The following FUT9 variants were observed in gnomAD, a reference collection of about 807,000 sequenced individuals.
FUT9 encodes the protein fucosyltransferase 9, also known as 4-galactosyl-N-acetylglucosaminide 3-alpha-L-fucosyltransferase 9.
FUT9 carries 15 observed loss-of-function variants against 29.7 expected under a neutral mutation model. That is an observed-to-expected ratio of 0.51 (90% CI 0.34 to 0.78). The LOEUF is 0.78. Ranked by LOEUF, FUT9 falls within the 30% of genes least tolerant of loss-of-function variation. The pLI is 0.01. For missense variants in FUT9, 319 were observed against 425.4 expected (o/e 0.75, Z 2.20); for synonymous variants, 169 against 153.7 (o/e 1.10, Z -0.74).
intron 1 of FUT9, among the ~76,000 whole-genome samples, chr6:96,070,423 T>C (rs1771039269): frequency 6.6e-6 from 1 of 152,160 alleles, no homozygotes; most frequent in Admixed American, 6.5e-5. Context: ...ATTGTAATTA[T>C]GCCTGTAATT....
At chr6:96,146,255 C>A (rs1772565646) in intron 2 of FUT9, among the ~76,000 whole-genome samples, 1 of 152,134 alleles carries the variant, frequency 6.6e-6, no homozygotes, top group South Asian at 2.1e-4. Flanking sequence ...CTGGGCCATG[C>A]AGCTTTGTAA....
At chr6:96,055,115 T>G (rs553986810) in intron 1 of FUT9, among the ~76,000 whole-genome samples, 1 of 152,194 alleles carries the variant, frequency 6.6e-6, no homozygotes, top group African/African-American at 2.4e-5. Flanking sequence ...TCTGCTCTTA[T>G]TTAATACTGT....
intron 1 of FUT9, among the ~76,000 whole-genome samples, chr6:96,112,965 A>G (rs1465997376): frequency 2.0e-5 from 3 of 152,216 alleles, no homozygotes; most frequent in Non-Finnish European, 2.9e-5. Flanking sequence ...GACACACATC[A>G]CCATTAAAAT....
At chr6:96,018,392 CTA>C (rs1451878040) in intron 1 of FUT9, among the ~76,000 whole-genome samples, 1 of 152,042 alleles carries the variant, frequency 6.6e-6, no homozygotes, top group East Asian at 1.9e-4. Flanking sequence ...TCAGAATTAT[CTA>C]TGAGAATCCA....
chr6:96,155,667 C>T (rs1374575494), intron 2 of FUT9, among the ~76,000 whole-genome samples: 4 of 145,676 alleles, frequency 2.7e-5, no homozygotes, highest in African/African-American at 5.1e-5. Context: ...AGTGAGACTC[C>T]GTTTAAAAAA....
intron 1 of FUT9, among the ~76,000 whole-genome samples, chr6:96,064,752 C>A (rs945451779): frequency 1.1e-4 from 17 of 152,106 alleles, no homozygotes; most frequent in Non-Finnish European, 2.4e-4. Flanking sequence ...CACACACATG[C>A]ATGCATGTGC....
chr6:96,103,147 A>G (rs17056117), intron 1 of FUT9, among the ~76,000 whole-genome samples: 21,976 of 152,140 alleles, frequency 0.14, 1,901 homozygotes, highest in East Asian at 0.33. Flanking sequence ...GCATATTTCA[A>G]CAATATTATC....
At chr6:96,044,895 T>G (rs147215676) in intron 1 of FUT9, among the ~76,000 whole-genome samples, 17 of 152,310 alleles carry the variant, frequency 1.1e-4, no homozygotes, top group African/African-American at 3.4e-4. Flanking sequence ...TATTTTAACA[T>G]TAATTACTGC....
At chr6:96,159,732 T>C (rs993810087) in intron 2 of FUT9, among the ~76,000 whole-genome samples, 5 of 152,162 alleles carry the variant, frequency 3.3e-5, no homozygotes, top group African/African-American at 1.2e-4. Flanking sequence ...ATTTAATAAC[T>C]GTTAAAAATG....
intron 2 of FUT9, among the ~76,000 whole-genome samples, chr6:96,189,788 G>A (rs531352090): frequency 6.6e-6 from 1 of 152,022 alleles, no homozygotes; most frequent in East Asian, 1.9e-4. Flanking sequence ...TTTATTTTGA[G>A]CCTATGTGTG....
At chr6:96,154,420 T>G (rs1367021808) in intron 2 of FUT9, among the ~76,000 whole-genome samples, 3 of 152,242 alleles carry the variant, frequency 2.0e-5, no homozygotes, top group African/African-American at 7.2e-5. Flanking sequence ...CTTAGTTACT[T>G]TTTACTTGTT....
intron 1 of FUT9, among the ~76,000 whole-genome samples, chr6:96,087,705 C>T (rs1771342201): frequency 6.6e-6 from 1 of 152,108 alleles, no homozygotes; most frequent in Non-Finnish European, 1.5e-5. Flanking sequence ...CATTTTACCT[C>T]TAAATATGTT....
At chr6:96,113,853 CA>C (rs11316093) in intron 1 of FUT9, among the ~76,000 whole-genome samples, 185 bp from the exon 2 acceptor site, 54,871 of 124,450 alleles carry the variant, frequency 0.44, 10,648 homozygotes, top group South Asian at 0.66. Context: ...GACTCCATCT[CA>C]AAAAAAAAAA....
intron 1 of FUT9, among the ~76,000 whole-genome samples, chr6:96,057,889 C>CT (rs1770799865): frequency 6.6e-6 from 1 of 152,078 alleles, no homozygotes; most frequent in Admixed American, 6.6e-5. Context: ...AAGATTTGTC[C>CT]TTTTTGTCTC....
intron 1 of FUT9, among the ~76,000 whole-genome samples, chr6:96,089,884 A>T (rs1245523586): frequency 6.6e-6 from 1 of 152,212 alleles, no homozygotes; most frequent in African/African-American, 2.4e-5. Context: ...ATTTTTATGT[A>T]TAATGACGAA....
chr6:96,163,747 C>T (rs1241680016), intron 2 of FUT9, among the ~76,000 whole-genome samples: 1 of 152,198 alleles, frequency 6.6e-6, no homozygotes, highest in African/African-American at 2.4e-5. Flanking sequence ...TCTCTTTTAA[C>T]ACCAGACCTC....
intron 1 of FUT9, among the ~76,000 whole-genome samples, chr6:96,089,308 A>G (rs189413493): frequency 3.3e-4 from 51 of 152,240 alleles, no homozygotes; most frequent in African/African-American, 1.1e-3. Flanking sequence ...CTACCCTGCT[A>G]GCCTCCTTGA....
intron 1 of FUT9, among the ~76,000 whole-genome samples, chr6:96,069,808 T>C (rs1280824997): frequency 6.6e-6 from 1 of 151,938 alleles, no homozygotes; most frequent in Non-Finnish European, 1.5e-5. Flanking sequence ...TTTTTTTGTA[T>C]TTTTAGTAGA....
chr6:96,181,006 A>T (rs1460497714), intron 2 of FUT9, among the ~76,000 whole-genome samples: 1 of 152,004 alleles, frequency 6.6e-6, no homozygotes, highest in African/African-American at 2.4e-5. Context: ...TAAAAATAAC[A>T]TACATAGTTA....
Sources: allele counts gnomAD v4.1 joint callset (sites outside exome capture counted in the v4.1 genomes callset), GRCh38; gene constraint gnomAD v4.1.1; transcripts MANE v1.5; gene names NCBI Gene and HGNC (gene_info 2026-07-23, HGNC 2026-07-21).